The following DISC1 variants were observed in gnomAD, a reference collection of about 807,000 sequenced individuals.
The protein encoded by DISC1 is DISC1 scaffold protein.
Under a neutral mutation model 84.5 loss-of-function variants are expected in DISC1, and 57 were observed. The observed-to-expected ratio is 0.67, with a 90% CI of 0.55 to 0.84. The LOEUF is 0.84. DISC1 is among the 40% of genes least tolerant of loss of function. The probability of loss-of-function intolerance (pLI) is 0.00; values close to 1 mark genes in which losing one functional copy is unlikely to be tolerated. For missense variants in DISC1, 1,000 were observed against 1,057.8 expected (o/e 0.95, Z 0.76); for synonymous variants, 411 against 415.2 (o/e 0.99, Z 0.12).
At chr1:231,725,449 G>A (rs1183553133) in intron 3 of DISC1, among the ~76,000 whole-genome samples, 7 of 152,092 alleles carry the variant, frequency 4.6e-5, no homozygotes, top group African/African-American at 1.7e-4. Context: ...GGCAACTACC[G>A]GAAGTTACTG....
At chr1:232,007,437 A>T (rs904625804) in intron 10 of DISC1, among the ~76,000 whole-genome samples, 6 of 152,236 alleles carry the variant, frequency 3.9e-5, no homozygotes, top group Non-Finnish European at 7.3e-5. Flanking sequence ...TGGTTCTGAG[A>T]CATGGAGTCA....
At chr1:232,017,554 A>C (rs1283402679) in intron 11 of DISC1, among the ~76,000 whole-genome samples, 1 of 151,226 alleles carries the variant, frequency 6.6e-6, no homozygotes, top group Non-Finnish European at 1.5e-5. Context: ...GTGGATAGGC[A>C]AATGTACTTT....
At chr1:231,716,861 T>A (rs1260646203) in intron 3 of DISC1, among the ~76,000 whole-genome samples, 1 of 152,204 alleles carries the variant, frequency 6.6e-6, no homozygotes, top group Non-Finnish European at 1.5e-5. Flanking sequence ...CTTCGTGGAA[T>A]TCCTTGCTCT....
intron 9 of DISC1, among the ~76,000 whole-genome samples, chr1:231,938,771 T>C (rs922345801): frequency 5.3e-5 from 8 of 152,194 alleles, no homozygotes; most frequent in East Asian, 3.8e-4. Context: ...ATTAATCCTA[T>C]AAACTGACAG....
At position 231,917,267 on chromosome 1, in the gene DISC1, G is replaced by A. The variant is rs184612396; in HGVS notation, c.1982-41561G>A. ...CCCTGCGGCATTACTAAATAATTCA[G>A]ATTGTTTGAAAGGCATTCTCTTCTA... On this transcript the variant is annotated intron_variant, in intron 9 of 12. Transcript: ENST00000439617. 1.5e-3 allele frequency among the ~76,000 whole-genome samples: 234 copies of A among 152,270 alleles called. 3 individuals carry two copies. Among genetic ancestry groups the A allele is most frequent in the Admixed American group, 9.0e-3 (138 of 15,298 alleles).
At chr1:231,960,541 C>T (rs1558783912) in intron 10 of DISC1, among the ~76,000 whole-genome samples, 3 of 152,182 alleles carry the variant, frequency 2.0e-5, no homozygotes, top group South Asian at 2.1e-4. Flanking sequence ...TGTGCACCAT[C>T]GTGCCCGGCC....
chr1:231,984,619 T>A (rs1664138126), intron 10 of DISC1, among the ~76,000 whole-genome samples: 1 of 152,178 alleles, frequency 6.6e-6, no homozygotes, highest in African/African-American at 2.4e-5. Context: ...CAAGGATGAG[T>A]AAGGCATCTG....
chr1:231,808,813 TAAA>T (rs1211271685), intron 8 of DISC1, among the ~76,000 whole-genome samples: 1 of 152,218 alleles, frequency 6.6e-6, no homozygotes, highest in Non-Finnish European at 1.5e-5. Flanking sequence ...GCATCCCAGG[TAAA>T]ACCTGGCCTG....
chr1:231,981,804 C>G (rs1031061077), intron 10 of DISC1, among the ~76,000 whole-genome samples: 2 of 152,244 alleles, frequency 1.3e-5, no homozygotes, highest in African/African-American at 4.8e-5. Flanking sequence ...TGGGGAGAAC[C>G]AGTCTGACCA....
chr1:231,999,508 C>T (rs1666382865), intron 10 of DISC1, among the ~76,000 whole-genome samples: 1 of 152,130 alleles, frequency 6.6e-6, no homozygotes, highest in East Asian at 1.9e-4. Flanking sequence ...CAACTCCCTT[C>T]CCCTCCCAGA....
intron 8 of DISC1, among the ~76,000 whole-genome samples, chr1:231,809,980 G>C (rs75418611): frequency 0.074 from 11,212 of 150,694 alleles, 667 homozygotes; most frequent in East Asian, 0.35. Context: ...GTATTTAAAG[G>C]TAACTTTGTA....
At chr1:231,999,087 GA>G (rs1454973089) in intron 10 of DISC1, among the ~76,000 whole-genome samples, 31 of 151,848 alleles carry the variant, frequency 2.0e-4, no homozygotes, top group Admixed American at 7.9e-4. Flanking sequence ...TAGACCAATA[GA>G]AGAAGATTTG....
At chr1:231,898,989 A>G (rs1038903126) in intron 9 of DISC1, among the ~76,000 whole-genome samples, 1 of 152,066 alleles carries the variant, frequency 6.6e-6, no homozygotes, top group Admixed American at 6.6e-5. Context: ...AAAACAAAAA[A>G]AAAAGAAACC....
At chr1:231,832,527 G>T (rs1430139918) in intron 9 of DISC1, among the ~76,000 whole-genome samples, 9 of 151,956 alleles carry the variant, frequency 5.9e-5, no homozygotes, top group African/African-American at 1.7e-4. Context: ...AACAGATGAG[G>T]ATGAAATTTG....
At chr1:231,988,690 C>A (rs1354724519) in intron 10 of DISC1, among the ~76,000 whole-genome samples, 1 of 152,186 alleles carries the variant, frequency 6.6e-6, no homozygotes, top group Non-Finnish European at 1.5e-5. Context: ...AAATAAATTT[C>A]TTTTGTTTAT....
intron 1 of DISC1, among the ~76,000 whole-genome samples, chr1:231,638,100 G>A (rs2059342599): frequency 6.6e-6 from 1 of 152,122 alleles, no homozygotes; most frequent in Non-Finnish European, 1.5e-5. Context: ...TTGATTAGTA[G>A]TAATGTTGAA....
intron 1 of DISC1, among the ~76,000 whole-genome samples, chr1:231,672,109 A>G (rs1318361987): frequency 2.0e-5 from 3 of 152,198 alleles, no homozygotes; most frequent in Admixed American, 2.0e-4. Flanking sequence ...CATCCAGAAT[A>G]TATAACTGGC....
At chr1:231,977,274 C>G (rs1662944227) in intron 10 of DISC1, among the ~76,000 whole-genome samples, 1 of 152,206 alleles carries the variant, frequency 6.6e-6, no homozygotes, top group Admixed American at 6.5e-5. Context: ...CAACACAAAG[C>G]TATTCTCTTC....
chr1:231,848,562 C>T (rs571645267), intron 9 of DISC1, among the ~76,000 whole-genome samples: 68 of 152,284 alleles, frequency 4.5e-4, no homozygotes, highest in African/African-American at 1.4e-3. Flanking sequence ...GCTGTTCTCA[C>T]CTCTCCTTTG....
Sources: gnomAD v4.1 joint callset for allele counts (sites outside exome capture counted in the v4.1 genomes callset) on GRCh38, gnomAD v4.1.1 for gene constraint, MANE v1.5 for transcripts, NCBI Gene and HGNC (gene_info 2026-07-23, HGNC 2026-07-21) for gene names.